Variants in SPOCD1 observed in about 807,000 individuals in gnomAD.
SPOCD1 encodes the protein SPOC domain-containing protein 1.
Under a neutral mutation model 92.2 loss-of-function variants are expected in SPOCD1, and 64 were observed. The observed-to-expected ratio is 0.69, with a 90% CI of 0.57 to 0.86. The LOEUF is 0.86. SPOCD1 is among the 40% of genes least tolerant of loss of function. SPOCD1 has a pLI of 0.00. For missense variants in SPOCD1, 1,360 were observed against 1,543.1 expected (o/e 0.88, Z 1.99); for synonymous variants, 578 against 619.3 (o/e 0.93, Z 0.99).
intron 2 of SPOCD1, among the ~76,000 whole-genome samples, chr1:31,812,786 T>C (rs1649287564): frequency 6.6e-6 from 1 of 152,250 alleles, no homozygotes; most frequent in Admixed American, 6.5e-5. Context: ...GAGAAGGCAG[T>C]GCAGTGAGCT....
Position 31,790,941 on chromosome 1 carries a change from G to A in SPOCD1, c.3313C>T (p.His1105Tyr), listed in dbSNP as rs768573692. The change falls in exon 16 of 16, where the codon CAT (histidine) becomes TAT (tyrosine). Residue 1105 changes from histidine to tyrosine, a missense_variant. Coordinates refer to ENST00000360482, the MANE Select transcript of SPOCD1 (RefSeq NM_144569.7). ...RLWPEPENWQHPGRGQWPPEP... is the reference protein window; with the variant it reads ...RLWPEPENWQYPGRGQWPPEP... ...GGGGGCCACTGCCCTCGCCCAGGAT[G>A]CTGCCAGTTTTCAGGCTCTGGCCAG... 92 of 1,571,116 alleles carry A rather than the reference G, an allele frequency of 5.9e-5. No individual in the cohort carries two copies. Among genetic ancestry groups the A allele is most frequent in the Non-Finnish European group, 7.4e-5 (86 of 1,160,948 alleles).
intron 15 of SPOCD1, 99 bp from the exon 16 acceptor site, chr1:31,791,390 G>C: frequency 1.0e-6 from 1 of 975,148 alleles, no homozygotes; most frequent in South Asian, 2.3e-5. Context: ...TGAGATGCTG[G>C]GAAAAGTAAG....
intron 9 of SPOCD1, among the ~76,000 whole-genome samples, chr1:31,797,637 C>T (rs1648117280): frequency 6.6e-6 from 1 of 152,202 alleles, no homozygotes; most frequent in East Asian, 1.9e-4. Context: ...GTGGCCTCAG[C>T]CCCTAAATCA....
intron 12 of SPOCD1, 151 bp from the exon 13 acceptor site, chr1:31,793,579 G>C (rs561118673): frequency 6.7e-7 from 1 of 1,485,820 alleles, no homozygotes; most frequent in South Asian, 1.2e-5. Context: ...CTGCCAGGAG[G>C]CTGGGATGAT....
intron 2 of SPOCD1, among the ~76,000 whole-genome samples, chr1:31,810,439 G>C (rs1335841169): frequency 6.8e-6 from 1 of 147,496 alleles, no homozygotes. Context: ...CTATAGCCTT[G>C]ACCTCCTGGA....
intron 2 of SPOCD1, among the ~76,000 whole-genome samples, chr1:31,804,875 A>G (rs2149111140): frequency 6.6e-6 from 1 of 152,168 alleles, no homozygotes; most frequent in East Asian, 1.9e-4. Flanking sequence ...TTGGAATTAG[A>G]GCATTCCAAG....
chr1:31,803,311 G>C (rs1648584817), intron 2 of SPOCD1, among the ~76,000 whole-genome samples: 1 of 151,930 alleles, frequency 6.6e-6, no homozygotes, highest in South Asian at 2.1e-4. Flanking sequence ...TTCTGGGAAT[G>C]AAAAATATAA....
chr1:31,809,965 C>A (rs1227629412), intron 2 of SPOCD1, among the ~76,000 whole-genome samples: 2 of 152,190 alleles, frequency 1.3e-5, no homozygotes, highest in African/African-American at 4.8e-5. Context: ...CTGCCTCTTG[C>A]AATGCAGCTC....
At chr1:31,791,364 A>C (rs1406554198) in intron 15 of SPOCD1, 73 bp from the exon 16 acceptor site, 1 of 1,250,670 alleles carries the variant, frequency 8.0e-7, no homozygotes, top group Non-Finnish European at 1.1e-6. Flanking sequence ...GCTTCTTCAC[A>C]GTGAGATGGG....
chr1:31,798,356 C>T lies in SPOCD1; in HGVS notation c.2029-33G>A, dbSNP rs745910950. 7.9e-5 allele frequency: 127 copies of T among 1,600,620 alleles called. No homozygotes were observed. The highest frequency in any genetic ancestry group is 2.5e-4 in the East Asian group (11 of 44,760). On this transcript the variant is annotated intron_variant, in intron 8 of 15. Coordinates refer to ENST00000360482, the MANE Select transcript of SPOCD1 (RefSeq NM_144569.7). This position sits in a 1 kb window ranked among gnomAD's most constrained non-coding sequence, Gnocchi z 4.1. ...GGGCAGGGGGCAGGGCTGCACCACA[C>T]GCTGAAAGAGCTCCCCCACCCTAGC...
intron 2 of SPOCD1, among the ~76,000 whole-genome samples, chr1:31,803,358 T>C (rs1237064934): frequency 6.6e-6 from 1 of 150,898 alleles, no homozygotes; most frequent in Non-Finnish European, 1.5e-5. Flanking sequence ...AATATATAGA[T>C]TTAATAGCAT....
intron 2 of SPOCD1, among the ~76,000 whole-genome samples, chr1:31,802,496 G>C (rs1474542934): frequency 6.6e-6 from 1 of 152,178 alleles, no homozygotes; most frequent in African/African-American, 2.4e-5. Flanking sequence ...TTAGCTGCGG[G>C]GCTATGTGGA....
intron 7 of SPOCD1, 72 bp downstream of exon 7, chr1:31,799,329 G>A (rs1648264077): frequency 3.0e-6 from 4 of 1,343,108 alleles, no homozygotes; most frequent in Non-Finnish European, 4.2e-6. Context: ...TTAGAACATG[G>A]CAGGGCCCCG....
At position 31,815,260 on chromosome 1, in the gene SPOCD1, A is replaced by C. The variant is rs773764420; in HGVS notation, c.74T>G (p.Leu25Arg). The C allele has an allele frequency of 2.3e-5, 37 of 1,600,866 alleles. No individual in the cohort carries two copies. Among genetic ancestry groups the C allele is most frequent in the Non-Finnish European group, 3.0e-5 (35 of 1,169,818 alleles). Reference protein sequence around the residue: ...PVLSPQHNCELLQNMEGASSM... With the variant: ...PVLSPQHNCERLQNMEGASSM... ...GCTGGCTCCTTCCATGTTCTGTAAA[A>C]GCTCACAGTTGTGTTGGGGACTGAG... Residue 25 changes from leucine to arginine, a missense_variant, in exon 2 of 16, where the codon CTT (leucine) becomes CGT (arginine). Coordinates refer to ENST00000360482, the MANE Select transcript of SPOCD1 (RefSeq NM_144569.7).
intron 9 of SPOCD1, 103 bp from the exon 10 acceptor site, chr1:31,796,818 C>T (rs1054763557): frequency 3.9e-6 from 6 of 1,531,136 alleles, no homozygotes; most frequent in Non-Finnish European, 5.3e-6. Context: ...TCTTGTGGTT[C>T]CCCTCTCCTC....
intron 3 of SPOCD1, among the ~76,000 whole-genome samples, chr1:31,801,034 A>C (rs1570174585): frequency 1.3e-5 from 2 of 152,294 alleles, no homozygotes; most frequent in Middle Eastern, 3.4e-3. Context: ...TGCCCCTTTC[A>C]GGGGTCACTG....
intron 15 of SPOCD1, 88 bp downstream of exon 15, chr1:31,792,127 T>G: frequency 7.0e-7 from 1 of 1,436,324 alleles, no homozygotes; most frequent in Non-Finnish European, 9.4e-7. Context: ...GAGATGTGCC[T>G]GCCTCTACTG....
intron 2 of SPOCD1, among the ~76,000 whole-genome samples, chr1:31,802,812 C>A (rs563761343): frequency 6.6e-6 from 1 of 151,986 alleles, no homozygotes; most frequent in Non-Finnish European, 1.5e-5. Context: ...ACAGACAGAA[C>A]GAATTTTAAA....
intron 4 of SPOCD1, 98 bp from the exon 5 acceptor site, chr1:31,800,239 T>A (rs1648353285): frequency 6.6e-7 from 1 of 1,511,780 alleles, no homozygotes; most frequent in African/African-American, 1.4e-5. Context: ...CCTCCTCCAG[T>A]CCACCCTGAA....
Sources: allele counts gnomAD v4.1 joint callset (sites outside exome capture counted in the v4.1 genomes callset), GRCh38; gene constraint gnomAD v4.1.1; non-coding constraint Gnocchi (gnomAD v3.1); transcripts MANE v1.5; gene names NCBI Gene and HGNC (gene_info 2026-07-23, HGNC 2026-07-21).